Variants in NR6A1 observed in about 807,000 individuals in gnomAD.
NR6A1 encodes nuclear receptor subfamily 6 group A member 1, also known as retinoic acid receptor-related testis-associated receptor.
NR6A1 carries 7 observed loss-of-function variants against 59.1 expected under a neutral mutation model. That is an observed-to-expected ratio of 0.12 (90% CI 0.07 to 0.22). The LOEUF is 0.22. Among genes scored for constraint, NR6A1 ranks in the 10% least tolerant of loss-of-function variants. NR6A1 has a pLI of 1.00. For missense variants in NR6A1, 468 were observed against 611.6 expected (o/e 0.77, Z 2.48); for synonymous variants, 243 against 236.1 (o/e 1.03, Z -0.27).
intron 2 of NR6A1, among the ~76,000 whole-genome samples, chr9:124,656,702 G>A (rs1465683967): frequency 1.3e-5 from 2 of 151,988 alleles, no homozygotes; most frequent in Non-Finnish European, 2.9e-5. Flanking sequence ...CGTGGTGGTG[G>A]GCACCTGTAG....
At chr9:124,681,041 T>C (rs1838137654) in intron 2 of NR6A1, among the ~76,000 whole-genome samples, 1 of 152,200 alleles carries the variant, frequency 6.6e-6, no homozygotes, top group Admixed American at 6.5e-5. Context: ...GATTTAGTGA[T>C]TTTATTCAAT....
intron 2 of NR6A1, among the ~76,000 whole-genome samples, chr9:124,605,995 A>C (rs543052506): frequency 6.6e-6 from 1 of 151,906 alleles, no homozygotes; most frequent in Non-Finnish European, 1.5e-5. Context: ...CCTGCAATCC[A>C]TTCTCCATCC....
chr9:124,556,616 A>G (rs1452886118), intron 2 of NR6A1, among the ~76,000 whole-genome samples: 2 of 152,080 alleles, frequency 1.3e-5, no homozygotes, highest in East Asian at 3.9e-4. Flanking sequence ...GCCTGCCACC[A>G]TGCCCTGCTA....
intron 2 of NR6A1, among the ~76,000 whole-genome samples, chr9:124,573,334 T>C (rs1312361540): frequency 6.6e-6 from 1 of 152,202 alleles, no homozygotes; most frequent in Non-Finnish European, 1.5e-5. Context: ...GAATGAACAC[T>C]AGCATACTTC....
chr9:124,557,798 T>C (rs1833972752), intron 2 of NR6A1, among the ~76,000 whole-genome samples: 1 of 152,236 alleles, frequency 6.6e-6, no homozygotes, highest in Admixed American at 6.5e-5. Context: ...CTAAATTTTC[T>C]AATTTTAAAA....
intron 2 of NR6A1, among the ~76,000 whole-genome samples, chr9:124,690,004 G>A (rs1838473054): frequency 1.3e-5 from 2 of 152,160 alleles, no homozygotes; most frequent in African/African-American, 4.8e-5. Context: ...TCAGTAAAAG[G>A]ATGAATCAGA....
intron 2 of NR6A1, among the ~76,000 whole-genome samples, chr9:124,642,589 G>A (rs765665820): frequency 4.6e-5 from 7 of 151,910 alleles, no homozygotes; most frequent in African/African-American, 1.2e-4. Flanking sequence ...ATCCCCTGTC[G>A]TGACAACCAA....
intron 2 of NR6A1, among the ~76,000 whole-genome samples, chr9:124,668,175 G>T (rs1273964928): frequency 4.6e-5 from 7 of 152,088 alleles, no homozygotes; most frequent in Non-Finnish European, 1.5e-5. Flanking sequence ...CTAGAGAAAA[G>T]AAAATGTTAT....
chr9:124,600,724 G>A (rs1336470756), intron 2 of NR6A1, among the ~76,000 whole-genome samples: 2 of 152,276 alleles, frequency 1.3e-5, no homozygotes, highest in East Asian at 3.9e-4. Context: ...TGTAACTAAA[G>A]TGGGTAAGAA....
chr9:124,552,090 G>A (rs1833794237), intron 3 of NR6A1, among the ~76,000 whole-genome samples: 1 of 152,212 alleles, frequency 6.6e-6, no homozygotes, highest in East Asian at 1.9e-4. Flanking sequence ...CCTAAAACAG[G>A]TGAGTTTTGC....
intron 2 of NR6A1, among the ~76,000 whole-genome samples, chr9:124,723,686 CT>C (rs1042168015): frequency 1.3e-5 from 2 of 152,234 alleles, no homozygotes; most frequent in African/African-American, 4.8e-5. Context: ...ACAGTATACA[CT>C]TAATAGTATT....
At chr9:124,662,662 G>A (rs74434361) in intron 2 of NR6A1, among the ~76,000 whole-genome samples, 1,710 of 152,200 alleles carry the variant, frequency 0.011, 30 homozygotes, top group African/African-American at 0.039. Flanking sequence ...AAATATTAAT[G>A]CTGGCCATGT....
chr9:124,673,097 G>A (rs1006672647), intron 2 of NR6A1, among the ~76,000 whole-genome samples: 4 of 152,110 alleles, frequency 2.6e-5, no homozygotes, highest in Admixed American at 6.5e-5. Context: ...CAAGGCTAGC[G>A]GATTGCTTGA....
chr9:124,764,909 C>T (rs1588865037), intron 1 of NR6A1, among the ~76,000 whole-genome samples: 2 of 152,178 alleles, frequency 1.3e-5, no homozygotes, highest in Non-Finnish European at 2.9e-5. Flanking sequence ...AAACATTACA[C>T]CTGCCAGCTG....
intron 2 of NR6A1, among the ~76,000 whole-genome samples, chr9:124,611,246 A>G (rs1239691470): frequency 1.3e-5 from 2 of 152,118 alleles, no homozygotes; most frequent in Non-Finnish European, 2.9e-5. Context: ...TTATCACTAA[A>G]GTACTTATCA....
At chr9:124,550,379 T>A (rs947973353) in intron 3 of NR6A1, among the ~76,000 whole-genome samples, 1 of 142,832 alleles carries the variant, frequency 7.0e-6, no homozygotes, top group East Asian at 2.0e-4. Flanking sequence ...TGGTGAATTT[T>A]TTTTTTTTTT....
At chr9:124,753,017 T>C (rs1358646223) in intron 1 of NR6A1, among the ~76,000 whole-genome samples, 1 of 152,100 alleles carries the variant, frequency 6.6e-6, no homozygotes. Flanking sequence ...TCGAACAAAT[T>C]TCCTCTTCCC....
chr9:124,676,399 G>A (rs1021949092), intron 2 of NR6A1, among the ~76,000 whole-genome samples: 49 of 152,052 alleles, frequency 3.2e-4, no homozygotes, highest in African/African-American at 1.1e-3. Context: ...AGCTGGCATA[G>A]TTCTGATGTG....
intron 2 of NR6A1, among the ~76,000 whole-genome samples, chr9:124,710,532 C>T (rs563575658): frequency 6.6e-6 from 1 of 152,300 alleles, no homozygotes; most frequent in South Asian, 2.1e-4. Context: ...CTACCTTATC[C>T]TCCTCCTTCC....
Sources: gnomAD v4.1 joint callset for allele counts (sites outside exome capture counted in the v4.1 genomes callset) on GRCh38, gnomAD v4.1.1 for gene constraint, MANE v1.5 for transcripts, NCBI Gene and HGNC (gene_info 2026-07-23, HGNC 2026-07-21) for gene names.